The following NINL variants were observed in gnomAD, a reference collection of about 807,000 sequenced individuals.
NINL encodes ninein like, also known as ninein-like protein.
In NINL, 153 loss-of-function variants were observed where a neutral mutation model predicts 160.3. That is an observed-to-expected ratio of 0.95 (90% CI 0.84 to 1.09). NINL has a LOEUF of 1.09. NINL is among the 50% of genes least tolerant of loss of function. The pLI, the probability that NINL is intolerant of heterozygous loss-of-function variation, is 0.00. For missense variants in NINL, 1,829 were observed against 1,764.0 expected (o/e 1.04, Z -0.66); for synonymous variants, 800 against 734.8 (o/e 1.09, Z -1.43).
chr20:25,511,614 G>A (rs992112060), intron 4 of NINL, among the ~76,000 whole-genome samples: 2 of 152,056 alleles, frequency 1.3e-5, no homozygotes, highest in African/African-American at 2.4e-5. Context: ...GGCTTTCCCC[G>A]TGTTCAGGTT....
intron 1 of NINL, among the ~76,000 whole-genome samples, chr20:25,531,266 C>A (rs878916820): frequency 6.6e-6 from 1 of 152,066 alleles, no homozygotes; most frequent in Non-Finnish European, 1.5e-5. Context: ...TCACGGTGCC[C>A]AGATTTCATA....
At chr20:25,583,145 G>C (rs771718592) in intron 1 of NINL, among the ~76,000 whole-genome samples, 5 of 152,096 alleles carry the variant, frequency 3.3e-5, no homozygotes, top group Non-Finnish European at 7.4e-5. Context: ...TCTAACCTAA[G>C]AGCTTCTCCA....
rs1185304859 is a variant in NINL at position 25,476,181 on chromosome 20, T to C, written c.3110A>G (p.Glu1037Gly). The change falls in exon 17 of 24, where the codon GAG becomes GGG. Residue 1037 changes from glutamate (E) to glycine (G), a missense_variant. Glu to Gly is a moderately conservative substitution (Grantham distance 98). Coordinates refer to ENST00000278886, the MANE Select transcript of NINL (RefSeq NM_025176.6). ...QLADPQGSWQ[E>G]QLAAPEEGET... ...CCCCTCTTCTGGGGCAGCAAGCTGC[T>C]CCTGCCAGGAACCCTGCGGGTCTGC... 1 of 1,614,172 alleles carries C rather than the reference T, an allele frequency of 6.2e-7. No individual in the cohort carries two copies. Among genetic ancestry groups the C allele is most frequent in the Admixed American group, 1.7e-5 (1 of 60,030 alleles).
chr20:25,564,627 A>G (rs893262340), intron 1 of NINL, among the ~76,000 whole-genome samples: 5 of 151,828 alleles, frequency 3.3e-5, no homozygotes, highest in African/African-American at 1.2e-4. Flanking sequence ...CAATTTTTGT[A>G]TTTTTAGTAG....
chr20:25,472,541 T>C (rs2063131253), intron 17 of NINL, among the ~76,000 whole-genome samples: 2 of 149,454 alleles, frequency 1.3e-5, no homozygotes, highest in African/African-American at 2.5e-5. Flanking sequence ...ATATTTCTTT[T>C]TTTTTTTTTT....
chr20:25,455,994 G>T (rs537400875), intron 22 of NINL, among the ~76,000 whole-genome samples: 2 of 152,106 alleles, frequency 1.3e-5, no homozygotes, highest in Admixed American at 6.5e-5. Flanking sequence ...TACTTGGGAG[G>T]CTGAGGCAGG....
chr20:25,542,081 T>TA (rs2064672535), intron 1 of NINL, among the ~76,000 whole-genome samples: 1 of 152,198 alleles, frequency 6.6e-6, no homozygotes, highest in South Asian at 2.1e-4. Flanking sequence ...CCTGCACTCC[T>TA]GGGGTGTCTG....
At chr20:25,459,229 A>G (rs2090774124) in intron 21 of NINL, among the ~76,000 whole-genome samples, 1 of 152,180 alleles carries the variant, frequency 6.6e-6, no homozygotes, top group Admixed American at 6.5e-5. Flanking sequence ...CATCGGGGTC[A>G]TATTTGGGCT....
chr20:25,512,943 C>T lies in NINL; in HGVS notation c.341G>A (p.Arg114Gln), dbSNP rs750539032. The T allele has an allele frequency of 2.1e-5, 34 of 1,613,978 alleles. No individual in the cohort carries two copies. Among genetic ancestry groups the T allele is most frequent in the African/African-American group, 5.3e-5 (4 of 74,938 alleles). The part of the protein sequence containing the change: ...NGSKWYGRRS[R>Q]PELCDAATEA... The stretch of plus-strand genomic sequence containing the variant: ...TGTGGCAGCGTCACATAGCTCAGGC[C>T]GGCTCCGACGGCCATACCACTTAGA... The change falls in exon 4 of 24, where the codon CGG becomes CAG. Residue 114 changes from arginine (R) to glutamine (Q), a missense_variant. Coordinates refer to ENST00000278886, the MANE Select transcript of NINL (RefSeq NM_025176.6).
In NINL at chr20:25,572,666, C is replaced by T. The variant is rs1368397597; in HGVS notation, c.-12+12789G>A. ...CAAACCTTTACATACTGCCCCATAC[C>T]TACTAACAGCACACAAGCATATAAG... On this transcript the variant is annotated intron_variant, in intron 1 of 23. Transcript: ENST00000278886. 2.0e-5 allele frequency among the ~76,000 whole-genome samples: 3 copies of T among 152,254 alleles called. No homozygotes were observed. In the East Asian group the frequency reaches 5.8e-4, roughly 29 times the overall value.
chr20:25,547,618 G>C (rs1266911288), intron 1 of NINL, among the ~76,000 whole-genome samples: 4 of 152,078 alleles, frequency 2.6e-5, no homozygotes. Context: ...GAATTACGTG[G>C]TGTGGAAAGA....
chr20:25,477,320 A>T (rs982209901), intron 16 of NINL, among the ~76,000 whole-genome samples: 1 of 152,230 alleles, frequency 6.6e-6, no homozygotes, highest in African/African-American at 2.4e-5. Flanking sequence ...AAGCCCAAGC[A>T]CGAACCCTTT....
intron 2 of NINL, 23 bp downstream of exon 2, chr20:25,526,385 T>G (rs1294287278): frequency 6.3e-7 from 1 of 1,591,424 alleles, no homozygotes; most frequent in Non-Finnish European, 8.6e-7. Flanking sequence ...CTTTCCTTTA[T>G]GACAATGAAG....
chr20:25,569,753 G>T (rs1416176452), intron 1 of NINL, among the ~76,000 whole-genome samples: 1 of 152,212 alleles, frequency 6.6e-6, no homozygotes, highest in Non-Finnish European at 1.5e-5. Context: ...GCAGCCACAG[G>T]AAGAGCAGTC....
chr20:25,487,271 T>C (rs2063521607), intron 13 of NINL, among the ~76,000 whole-genome samples: 1 of 152,212 alleles, frequency 6.6e-6, no homozygotes, highest in African/African-American at 2.4e-5. Context: ...AAGCAAGCTC[T>C]ACTGATATCT....
chr20:25,489,815 C>A, intron 12 of NINL, 60 bp downstream of exon 12: 1 of 1,443,454 alleles, frequency 6.9e-7, no homozygotes, highest in South Asian at 1.1e-5. Flanking sequence ...ACCCCCGCCA[C>A]CCCCACTCTG....
At chr20:25,496,017 G>A (rs1218110376) in intron 10 of NINL, among the ~76,000 whole-genome samples, 4 of 152,200 alleles carry the variant, frequency 2.6e-5, no homozygotes, top group South Asian at 2.1e-4. Flanking sequence ...GGTGGCAGGC[G>A]CCTGTTTAAT....
In NINL at chr20:25,477,074, C is replaced by T. The variant is rs138776030; in HGVS notation, c.2217G>A (p.Ala739=). 7.5e-6 allele frequency: 12 copies of T among 1,595,588 alleles called. No homozygotes were observed. Among genetic ancestry groups the T allele is most frequent in the East Asian group, 4.5e-5 (2 of 44,794 alleles). ...GCCCCGACAGCTCTCCACTCAGCTC[C>T]GCCTCAGCCTCTCTCCTGTGGAAGT... ...HLQQIRREAE[A]ELSGELSGLG... Residue 739 remains alanine, a synonymous_variant, in exon 17 of 24, where the codon GCG becomes GCA. Coordinates refer to ENST00000278886, the MANE Select transcript of NINL (RefSeq NM_025176.6).
At chr20:25,478,225 G>C (rs552657883) in intron 16 of NINL, among the ~76,000 whole-genome samples, 2 of 152,286 alleles carry the variant, frequency 1.3e-5, no homozygotes, top group African/African-American at 4.8e-5. Context: ...GCTGATTACA[G>C]GTGTGAGCCA....
Sources: gnomAD v4.1 joint callset for allele counts (sites outside exome capture counted in the v4.1 genomes callset) on GRCh38, gnomAD v4.1.1 for gene constraint, MANE v1.5 for transcripts, NCBI Gene and HGNC (gene_info 2026-07-23, HGNC 2026-07-21) for gene names.